PXYLP1: variants seen among roughly 807,000 people sequenced by gnomAD.
PXYLP1 encodes the protein acid phosphatase-like 2.
A neutral mutation model predicts 37.9 loss-of-function variants in PXYLP1; 17 were observed. That is an observed-to-expected ratio of 0.45 (90% confidence interval 0.31 to 0.67). PXYLP1 has a LOEUF of 0.67. Ranked by LOEUF, PXYLP1 falls within the 30% of genes least tolerant of loss-of-function variation. The pLI is 0.07. For synonymous variants in PXYLP1, 221 were observed against 232.2 expected (o/e 0.95, Z 0.44); for missense variants, 511 against 612.0 (o/e 0.84, Z 1.74).
intron 4 of PXYLP1, among the ~76,000 whole-genome samples, chr3:141,282,192 C>T (rs1395678781): frequency 6.6e-6 from 1 of 152,152 alleles, no homozygotes; most frequent in African/African-American, 2.4e-5. Context: ...ACTCACTGCG[C>T]TTCAGCCACA....
chr3:141,283,143 T>C (rs1166922043), intron 4 of PXYLP1, among the ~76,000 whole-genome samples: 1 of 18,576 alleles, frequency 5.4e-5, no homozygotes, highest in Non-Finnish European at 1.3e-4. Flanking sequence ...ATTTTTGTAT[T>C]TTTTTTTTTT....
At chr3:141,274,303 T>A in intron 2 of PXYLP1, 1 of 1,359,244 alleles carries the variant, frequency 7.4e-7, no homozygotes, top group South Asian at 1.7e-5. Context: ...GCCTTCCTCC[T>A]GGAGCCCGGC....
At chr3:141,270,229 C>T (rs184986679) in intron 2 of PXYLP1, among the ~76,000 whole-genome samples, 160 of 152,344 alleles carry the variant, frequency 1.1e-3, no homozygotes, top group African/African-American at 3.6e-3. Flanking sequence ...TATTGCAGCT[C>T]AAAGTGGATA....
rs750783197 is a variant in PXYLP1 at position 141,293,251 on chromosome 3, T to A, written c.*46T>A. 1 of 1,529,368 alleles carries A rather than the reference T, an allele frequency of 6.5e-7. No homozygotes were observed. The highest frequency in any genetic ancestry group is 1.4e-5 in the African/African-American group (1 of 72,628). The allele number at this position is 1,529,368 out of a possible 1,614,324, so 94.7% of individuals were successfully genotyped here. On this transcript the variant is annotated 3_prime_UTR_variant, in exon 6 of 6. Coordinates refer to ENST00000286353, the MANE Select transcript of PXYLP1 (RefSeq NM_001037172.3). Reference sequence around the variant, plus strand: ...ATAGAATCCATGCCAATACAGAGCATAGGGAAAGGTCCACTTCTAGTTTTG... The same window carrying A: ...ATAGAATCCATGCCAATACAGAGCAAAGGGAAAGGTCCACTTCTAGTTTTG...
intron 3 of PXYLP1, among the ~76,000 whole-genome samples, chr3:141,279,095 G>A (rs766987575): frequency 2.0e-5 from 3 of 152,180 alleles, no homozygotes; most frequent in Non-Finnish European, 4.4e-5. Flanking sequence ...CACATTAGTA[G>A]TCATGCCCGC....
intron 2 of PXYLP1, among the ~76,000 whole-genome samples, chr3:141,268,202 AGAGAGTGTGTGTGT>A (rs1395323568): frequency 1.9e-4 from 7 of 37,434 alleles, no homozygotes; most frequent in East Asian, 2.3e-3. Flanking sequence ...AGAGAGAGAG[AGAGAGTGTGTGTGT>A]GTGTGTGTGT....
In PXYLP1 at chr3:141,290,625, G is replaced by A. The variant is rs140886518; in HGVS notation, c.506-1643G>A. On this transcript the variant is annotated intron_variant, in intron 5 of 5. Transcript: ENST00000286353. ...TATGAACAAAGCCATGAAGATGCAGGCTATGTTTGGCAAGTATAAGAAGCC... is the reference window on the plus strand; with the variant it reads ...TATGAACAAAGCCATGAAGATGCAGACTATGTTTGGCAAGTATAAGAAGCC... 2.0e-5 allele frequency among the ~76,000 whole-genome samples: 3 copies of A among 152,260 alleles called. No individual in the cohort carries two copies. The East Asian group carries it at 5.8e-4, about 29-fold the overall frequency.
At chr3:141,247,901 T>A (rs994145760) in intron 1 of PXYLP1, among the ~76,000 whole-genome samples, 1 of 152,216 alleles carries the variant, frequency 6.6e-6, no homozygotes, top group Non-Finnish European at 1.5e-5. Context: ...CAAAATTACT[T>A]GTGTCAACCA....
chr3:141,266,438 G>A (rs1299144738), intron 2 of PXYLP1, among the ~76,000 whole-genome samples: 1 of 152,084 alleles, frequency 6.6e-6, no homozygotes, highest in African/African-American at 2.4e-5. Flanking sequence ...TGTGCCCTGC[G>A]GTGCAGATGG....
Position 141,239,020 on chromosome 3 carries a change from C to T in PXYLP1, c.-54+7109C>T, listed in dbSNP as rs1940726963. ...CTGCTCAGTTCAAATCCGTGTTGTTCAAGGGTAGACCTATGTCCTGGAAAT... is the reference window on the plus strand; with the variant it reads ...CTGCTCAGTTCAAATCCGTGTTGTTTAAGGGTAGACCTATGTCCTGGAAAT... On this transcript the variant is annotated intron_variant, in intron 1 of 5. Transcript: ENST00000286353. Among the ~76,000 whole-genome samples, 5 of 148,052 alleles carry T rather than the reference C, an allele frequency of 3.4e-5. No individual in the cohort carries two copies. The South Asian group carries it at 1.1e-3, about 31-fold the overall frequency.
chr3:141,288,339 G>A (rs749491903), intron 5 of PXYLP1, among the ~76,000 whole-genome samples: 1 of 152,204 alleles, frequency 6.6e-6, no homozygotes, highest in Non-Finnish European at 1.5e-5. Context: ...GGGATGGAGG[G>A]AAGGTCTCCA....
At position 141,274,200 on chromosome 3, in the gene PXYLP1, G is replaced by A. The variant is rs1027867410; in HGVS notation, c.80-4142G>A. ...CTCAGCTCCCTTTATCTAGGTGATC[G>A]GGGCAAGCCTCAAGAGCTGATGTGG... On this transcript the variant is annotated intron_variant, in intron 2 of 5. Coordinates refer to ENST00000286353, the MANE Select transcript of PXYLP1 (RefSeq NM_001037172.3). The A allele has an allele frequency of 1.9e-4, 202 of 1,056,954 alleles. 1 individual carries two copies. Among genetic ancestry groups the A allele is most frequent in the Admixed American group, 2.0e-4 (4 of 20,460 alleles). The allele number at this position is 1,056,954 out of a possible 1,614,324, so 65.5% of individuals were successfully genotyped here.
chr3:141,254,192 C>T lies in PXYLP1; in HGVS notation c.-53-5931C>T, dbSNP rs1007398454. On this transcript the variant is annotated intron_variant, in intron 1 of 5. Transcript: ENST00000286353. ...CCTCCCAAAGTACTGGGATTACAGGCGTGAGCTACCACGCCCGGCCCCTCT... is the reference window on the plus strand; with the variant it reads ...CCTCCCAAAGTACTGGGATTACAGGTGTGAGCTACCACGCCCGGCCCCTCT... Among the ~76,000 whole-genome samples the T allele has an allele frequency of 3.3e-5, 5 of 152,184 alleles. No individual in the cohort carries two copies. In the East Asian group the frequency reaches 9.6e-4, roughly 29 times the overall value.
At position 141,294,580 on chromosome 3, in the gene PXYLP1, G is replaced by T. The variant is rs1942306731; in HGVS notation, c.*1375G>T. Reference sequence around the variant, plus strand: ...ATTCCAACTTTTTCTCTTTGTTTTTGTCCAGTGTTGCATTTGAATATGTCT... The same window carrying T: ...ATTCCAACTTTTTCTCTTTGTTTTTTTCCAGTGTTGCATTTGAATATGTCT... On this transcript the variant is annotated 3_prime_UTR_variant, in exon 6 of 6. Transcript: ENST00000286353. 1 of 152,068 alleles carries T rather than the reference G, an allele frequency of 6.6e-6. No homozygotes were observed. Among genetic ancestry groups the T allele is most frequent in the African/African-American group, 2.4e-5 (1 of 41,390 alleles). The allele number at this position is 152,068 out of a possible 1,614,324, so 9.4% of individuals were successfully genotyped here. A position where few individuals can be genotyped will look rare whatever the true frequency, so the allele number is the denominator to read the frequency against.
intron 2 of PXYLP1, among the ~76,000 whole-genome samples, chr3:141,275,028 G>T (rs1941759849): frequency 6.6e-6 from 1 of 152,196 alleles, no homozygotes; most frequent in Non-Finnish European, 1.5e-5. Context: ...TCTCCTCACA[G>T]CTTCTATGTG....
At chr3:141,245,014 A>C (rs1576576617) in intron 1 of PXYLP1, among the ~76,000 whole-genome samples, 1 of 149,652 alleles carries the variant, frequency 6.7e-6, no homozygotes, top group East Asian at 2.0e-4. Flanking sequence ...TTTTTTGGCC[A>C]ATCTGAAAGG....
intron 1 of PXYLP1, among the ~76,000 whole-genome samples, chr3:141,246,741 T>G (rs1877219): frequency 1.3e-5 from 2 of 152,310 alleles, no homozygotes; most frequent in Non-Finnish European, 2.9e-5. Context: ...TTCCCAGCCT[T>G]GTGGAGCTCA....
chr3:141,268,273 G>C (rs1049410859), intron 2 of PXYLP1, among the ~76,000 whole-genome samples: 2 of 151,158 alleles, frequency 1.3e-5, no homozygotes, highest in Non-Finnish European at 2.9e-5. Context: ...TACTATCACG[G>C]CTAGTTAGTA....
intron 1 of PXYLP1, among the ~76,000 whole-genome samples, chr3:141,237,150 C>G (rs1261673199): frequency 6.6e-6 from 1 of 152,144 alleles, no homozygotes; most frequent in Non-Finnish European, 1.5e-5. Context: ...CTGGATATCC[C>G]TGCCCACGTT....
Sources: allele counts gnomAD v4.1 joint callset (sites outside exome capture counted in the v4.1 genomes callset), GRCh38; gene constraint gnomAD v4.1.1; transcripts MANE v1.5; gene names NCBI Gene and HGNC (gene_info 2026-07-23, HGNC 2026-07-21).